The following ANKRD28 variants were observed in gnomAD, a reference collection of about 807,000 sequenced individuals.
ANKRD28 encodes serine/threonine-protein phosphatase 6 regulatory ankyrin repeat subunit A.
A neutral mutation model predicts 126.5 loss-of-function variants in ANKRD28; 44 were observed. The ratio of observed to expected loss-of-function variants is 0.35; its 90% CI spans 0.27 to 0.45. ANKRD28 has a LOEUF of 0.45. Ranked by LOEUF, ANKRD28 falls within the 20% of genes least tolerant of loss-of-function variation. The pLI, the probability that ANKRD28 is intolerant of heterozygous loss-of-function variation, is 1.00. For missense variants in ANKRD28, 1,110 were observed against 1,316.6 expected, an observed-to-expected ratio of 0.84 and a Z score of 2.43; for synonymous variants, 442 against 468.5, an observed-to-expected ratio of 0.94 and a Z score of 0.73.
chr3:15,849,178 T>A (rs188848732), intron 1 of ANKRD28, among the ~76,000 whole-genome samples: 44 of 152,282 alleles, frequency 2.9e-4, no homozygotes, highest in Admixed American at 2.4e-3. Context: ...ATGGAAAGCA[T>A]CCCATGTTCA....
chr3:15,713,866 T>C (rs893873836), intron 9 of ANKRD28, among the ~76,000 whole-genome samples: 4 of 152,216 alleles, frequency 2.6e-5, no homozygotes, highest in Admixed American at 6.5e-5. Flanking sequence ...GATTTTTAAA[T>C]TGACAAGAGG....
intron 14 of ANKRD28, among the ~76,000 whole-genome samples, chr3:15,702,713 T>C (rs1476600173): frequency 6.6e-6 from 1 of 152,096 alleles, no homozygotes; most frequent in Non-Finnish European, 1.5e-5. Flanking sequence ...GTCAGAGCCC[T>C]GGGTAAGGAC....
At chr3:15,674,526 C>T (rs2066736530) in intron 27 of ANKRD28, among the ~76,000 whole-genome samples, 1 of 152,168 alleles carries the variant, frequency 6.6e-6, no homozygotes, top group Non-Finnish European at 1.5e-5. Flanking sequence ...GTTTATCAGA[C>T]ATCCACATGG....
intron 3 of ANKRD28, among the ~76,000 whole-genome samples, chr3:15,761,364 AT>A (rs368367130): frequency 1.2e-3 from 185 of 152,254 alleles, no homozygotes; most frequent in African/African-American, 4.2e-3. Context: ...CTCTTCATGT[AT>A]TTTTTTCTCA....
chr3:15,748,980 T>C (rs1438099206), intron 4 of ANKRD28, among the ~76,000 whole-genome samples: 3 of 152,134 alleles, frequency 2.0e-5, no homozygotes, highest in East Asian at 1.9e-4. Context: ...TTTGATTGTA[T>C]TGCTGAGACT....
chr3:15,821,577 G>T (rs971750458), intron 1 of ANKRD28, among the ~76,000 whole-genome samples: 7 of 152,112 alleles, frequency 4.6e-5, no homozygotes, highest in African/African-American at 1.7e-4. Context: ...CAATGAATAG[G>T]TGGCAAAACA....
chr3:15,790,309 G>A (rs2059969501), intron 2 of ANKRD28, among the ~76,000 whole-genome samples: 2 of 151,990 alleles, frequency 1.3e-5, no homozygotes, highest in African/African-American at 4.8e-5. Flanking sequence ...GTATTACCCT[G>A]ATACCAAAAC....
At chr3:15,775,049 G>A (rs2059193244) in intron 2 of ANKRD28, among the ~76,000 whole-genome samples, 2 of 152,180 alleles carry the variant, frequency 1.3e-5, no homozygotes, top group African/African-American at 2.4e-5. Context: ...GCTAACTTTT[G>A]TATCTTTAGT....
chr3:15,685,930 T>C (rs1575141223), intron 20 of ANKRD28, 72 bp downstream of exon 20: 1 of 1,137,972 alleles, frequency 8.8e-7, no homozygotes, highest in South Asian at 1.4e-5. Context: ...AAAATAAACA[T>C]AACCTAGTTC....
intron 4 of ANKRD28, among the ~76,000 whole-genome samples, chr3:15,750,647 T>C (rs1186955932): frequency 6.6e-6 from 1 of 152,166 alleles, no homozygotes; most frequent in Non-Finnish European, 1.5e-5. Flanking sequence ...CATTTCACCT[T>C]TATGACTCTT....
chr3:15,822,276 G>GT (rs2060959533), intron 1 of ANKRD28, among the ~76,000 whole-genome samples: 1 of 152,164 alleles, frequency 6.6e-6, no homozygotes, highest in Admixed American at 6.5e-5. Flanking sequence ...AGGAGAGTTT[G>GT]TTTTTGTTTG....
At chr3:15,792,852 AT>A (rs1559541460) in intron 2 of ANKRD28, among the ~76,000 whole-genome samples, 1 of 152,068 alleles carries the variant, frequency 6.6e-6, no homozygotes, top group East Asian at 1.9e-4. Flanking sequence ...GTACCCACAA[AT>A]TTTTTTTAAA....
chr3:15,827,968 A>G (rs1431559761), intron 1 of ANKRD28, among the ~76,000 whole-genome samples: 5 of 152,206 alleles, frequency 3.3e-5, no homozygotes, highest in Non-Finnish European at 4.4e-5. Context: ...CAACATGAAA[A>G]GATGTTCAAC....
At chr3:15,829,260 C>T (rs1306140776) in intron 1 of ANKRD28, among the ~76,000 whole-genome samples, 1 of 152,026 alleles carries the variant, frequency 6.6e-6, no homozygotes, top group Non-Finnish European at 1.5e-5. Flanking sequence ...AATTAAGTAG[C>T]ACTGTTCATG....
rs2060741502 is a variant in ANKRD28, at chr3:15,812,720, AGG to A, written c.28-17416_28-17415del. On this transcript the variant is annotated intron_variant, in intron 1 of 27. Transcript: ENST00000399451. The surrounding 1 kb of genome is among the most constrained non-coding windows in gnomAD (Gnocchi z 4.1). ...TAGAAAATGGTTTAAAAAGTGTGTG[AGG>A]GGGTGAATTTCCAATGGAACTCTAG... Among the ~76,000 whole-genome samples, 1 of 152,188 alleles carries A rather than the reference AGG, an allele frequency of 6.6e-6. No individual in the cohort carries two copies. Among genetic ancestry groups the A allele is most frequent in the African/African-American group, 2.4e-5 (1 of 41,442 alleles).
At chr3:15,733,108 T>G (rs2074765300) in intron 6 of ANKRD28, 1 of 152,208 alleles carries the variant, frequency 6.6e-6, no homozygotes, top group Admixed American at 6.6e-5. Flanking sequence ...TGGACTTGAG[T>G]GAGCTGAGAT....
chr3:15,700,162 A>G (rs1247084289), intron 14 of ANKRD28, among the ~76,000 whole-genome samples: 1 of 152,140 alleles, frequency 6.6e-6, no homozygotes, highest in Non-Finnish European at 1.5e-5. Flanking sequence ...GCATGTTCTC[A>G]CTCATACGTG....
At chr3:15,720,829 C>G in intron 8 of ANKRD28, 86 bp downstream of exon 8, 2 of 1,216,660 alleles carry the variant, frequency 1.6e-6, no homozygotes, top group Non-Finnish European at 2.3e-6. Flanking sequence ...ATCAATATTC[C>G]TTTTTATTGC....
intron 4 of ANKRD28, among the ~76,000 whole-genome samples, chr3:15,743,023 C>T (rs1171854438): frequency 1.3e-5 from 2 of 152,052 alleles, no homozygotes; most frequent in African/African-American, 2.4e-5. Flanking sequence ...TCATTTTGTT[C>T]TGTACTAAGA....
Sources: gnomAD v4.1 joint callset for allele counts (sites outside exome capture counted in the v4.1 genomes callset) on GRCh38, gnomAD v4.1.1 for gene constraint, Gnocchi (gnomAD v3.1) non-coding constraint, MANE v1.5 for transcripts, NCBI Gene and HGNC (gene_info 2026-07-23, HGNC 2026-07-21) for gene names.